DSCAML1: variants seen among roughly 807,000 people sequenced by gnomAD.
The protein encoded by DSCAML1 is cell adhesion molecule DSCAML1.
DSCAML1 carries 38 observed loss-of-function variants against 200.5 expected under a neutral mutation model. That is an observed-to-expected ratio of 0.19 (90% CI 0.15 to 0.25). The LOEUF (loss-of-function observed/expected upper bound fraction) is 0.25. Ranked by LOEUF, DSCAML1 falls within the 10% of genes least tolerant of loss-of-function variation. The pLI is 1.00. For synonymous variants in DSCAML1, 1,215 were observed against 1,165.0 expected, an observed-to-expected ratio of 1.04 and a Z score of -0.87; for missense variants, 2,223 against 2,858.8, an observed-to-expected ratio of 0.78 and a Z score of 5.07.
intron 1 of DSCAML1, among the ~76,000 whole-genome samples, chr11:117,793,555 A>C (rs1404989178): frequency 2.0e-5 from 3 of 152,138 alleles, no homozygotes; most frequent in African/African-American, 7.2e-5. Flanking sequence ...TCCCTCTGTC[A>C]TAGGCTAACA....
Position 117,780,304 on chromosome 11 carries a change from G to GAAAAAGAA in DSCAML1, c.364+188_364+189insTTCTTTTT, listed in dbSNP as rs71037499. 2.3e-3 allele frequency among the ~76,000 whole-genome samples: 227 copies of GAAAAAGAA among 98,438 alleles called. 6 individuals are homozygous for GAAAAAGAA. In the East Asian group the frequency reaches 0.023, roughly 10 times the overall value. The allele number at this position is 98,438 out of a possible 152,430, so 64.6% of individuals were successfully genotyped here. A position where few individuals can be genotyped will look rare whatever the true frequency, so the allele number is the denominator to read the frequency against. The stretch of plus-strand genomic sequence containing the variant: ...AGAAAGAAAGAAAGAAAGAAAGAAA[G>GAAAAAGAA]AGAGAAAGGAGAAAGAAAGGTGTCT... On this transcript the variant is annotated intron_variant, in intron 2 of 32. Transcript: ENST00000651296. The surrounding 1 kb of genome is among the most constrained non-coding windows in gnomAD (Gnocchi z 4.8).
rs150152134 is a variant in DSCAML1, at chr11:117,515,851, C to T, written c.1783+616G>A. Among the ~76,000 whole-genome samples, 1,012 of 152,046 alleles carry T rather than the reference C, an allele frequency of 6.7e-3. 11 individuals are homozygous for T. Among genetic ancestry groups the T allele is most frequent in the African/African-American group, 0.022 (913 of 41,444 alleles). On this transcript the variant is annotated intron_variant, in intron 8 of 32. Transcript: ENST00000651296. ...GGCCAGGCTGGTCTCAAACTCCTGA[C>T]CTCATGATCCACCCGCCTCGGCCTC...
At chr11:117,796,371 C>T (rs1333869199) in intron 1 of DSCAML1, among the ~76,000 whole-genome samples, 1 of 152,234 alleles carries the variant, frequency 6.6e-6, no homozygotes, top group Non-Finnish European at 1.5e-5. Context: ...CGGTGGCGCA[C>T]CAAGCCGGGG....
chr11:117,658,312 G>A (rs1223251970), intron 3 of DSCAML1, among the ~76,000 whole-genome samples: 15 of 152,202 alleles, frequency 9.9e-5, no homozygotes, highest in Admixed American at 9.8e-4. Flanking sequence ...CTATGCCCAA[G>A]TTGTGGGTTG....
rs186936892 is a variant in DSCAML1 at position 117,502,373 on chromosome 11, G to A, written c.2359+1472C>T. 1.4e-3 allele frequency among the ~76,000 whole-genome samples: 216 copies of A among 152,372 alleles called. 1 individual carries two copies. Among genetic ancestry groups the A allele is most frequent in the Non-Finnish European group, 2.1e-3 (145 of 68,044 alleles). ...AAGCATCTACGAGTTTGGGAGATGAGGAGGGTTGCAGAGGTGCCTGCTCTT... is the reference window on the plus strand; with the variant it reads ...AAGCATCTACGAGTTTGGGAGATGAAGAGGGTTGCAGAGGTGCCTGCTCTT... On this transcript the variant is annotated intron_variant, in intron 11 of 32. Transcript: ENST00000651296.
At chr11:117,649,043 G>C (rs2849435) in intron 3 of DSCAML1, among the ~76,000 whole-genome samples, 1 of 100,596 alleles carries the variant, frequency 9.9e-6, no homozygotes. Flanking sequence ...CCATATATAT[G>C]TGTGTGTGTG....
chr11:117,435,826 G>T, intron 26 of DSCAML1, 27 bp from the exon 27 acceptor site: 1 of 1,588,694 alleles, frequency 6.3e-7, no homozygotes, highest in Non-Finnish European at 8.6e-7. Context: ...AATAGAATTA[G>T]ATGTCCCTTA....
intron 1 of DSCAML1, among the ~76,000 whole-genome samples, chr11:117,815,039 G>A (rs1457567766): frequency 6.6e-6 from 1 of 152,180 alleles, no homozygotes; most frequent in East Asian, 1.9e-4. Flanking sequence ...CCTGGCTCGG[G>A]GCCAAGCCAG....
chr11:117,693,980 G>C (rs1381332611), intron 3 of DSCAML1, among the ~76,000 whole-genome samples: 1 of 151,232 alleles, frequency 6.6e-6, no homozygotes, highest in Admixed American at 6.6e-5. Context: ...TGTACAAGCA[G>C]GTTCTTTTCT....
At chr11:117,692,266 T>C (rs1000911120) in intron 3 of DSCAML1, among the ~76,000 whole-genome samples, 3 of 152,068 alleles carry the variant, frequency 2.0e-5, no homozygotes, top group Non-Finnish European at 1.5e-5. Context: ...TCAGCCCCTT[T>C]TGTCTCCTTC....
At chr11:117,774,497 T>G (rs1053285476) in intron 3 of DSCAML1, among the ~76,000 whole-genome samples, 2 of 152,116 alleles carry the variant, frequency 1.3e-5, no homozygotes, top group Non-Finnish European at 2.9e-5. Flanking sequence ...ATTTTACAGG[T>G]GGGGAAATGG....
Position 117,433,217 on chromosome 11 carries a change from TG to T in DSCAML1, c.4946del (p.Pro1649HisfsTer36). On this transcript the variant is annotated frameshift_variant, in exon 29 of 33. Transcript: ENST00000651296. LOFTEE classifies it high-confidence loss of function. ...CAATGTGTAGCCGTGGGCCCTGGGG[TG>T]GCCCTTTCACAGGGGTGTCAAAGCT... ...NRSFDTPVKG[P>X]PQGPRLHIDI... is the part of the protein sequence containing the mutation. The T allele has an allele frequency of 6.2e-7, 1 of 1,613,256 alleles. No homozygotes were observed. The highest frequency in any genetic ancestry group is 8.5e-7 in the Non-Finnish European group (1 of 1,179,668).
chr11:117,586,102 C>T (rs913023736), intron 3 of DSCAML1, among the ~76,000 whole-genome samples: 2 of 152,168 alleles, frequency 1.3e-5, no homozygotes, highest in South Asian at 4.1e-4. Flanking sequence ...CTGGACCAAT[C>T]CCTCCTTTTG....
rs555458336 is a variant in DSCAML1 at position 117,521,954 on chromosome 11, A to T, written c.938-549T>A. 5.7e-4 allele frequency among the ~76,000 whole-genome samples: 87 copies of T among 152,302 alleles called. 2 individuals carry two copies. In the South Asian group the frequency reaches 0.018, roughly 31 times the overall value. ...CCCTGCCTCCCCCCAGCTGTCCTCC[A>T]TGCTGCAGCCAGCCACTCGCTGCTC... On this transcript the variant is annotated intron_variant, in intron 5 of 32. Coordinates refer to ENST00000651296, the MANE Select transcript of DSCAML1 (RefSeq NM_020693.4).
chr11:117,570,648 C>T (rs1269591518), intron 3 of DSCAML1, among the ~76,000 whole-genome samples: 1 of 152,246 alleles, frequency 6.6e-6, no homozygotes, highest in African/African-American at 2.4e-5. Flanking sequence ...AATCCCTTTA[C>T]AATATCTATT....
chr11:117,432,856 C>T (rs576367427), intron 29 of DSCAML1, among the ~76,000 whole-genome samples: 1 of 152,082 alleles, frequency 6.6e-6, no homozygotes, highest in Non-Finnish European at 1.5e-5. Context: ...AGTGATCCTC[C>T]CTCCTTGGCC....
intron 3 of DSCAML1, among the ~76,000 whole-genome samples, chr11:117,583,145 G>A (rs1308180513): frequency 2.0e-5 from 3 of 151,776 alleles, no homozygotes; most frequent in Non-Finnish European, 2.9e-5. Flanking sequence ...TTTCCCCTCC[G>A]CATGCTGATG....
intron 3 of DSCAML1, among the ~76,000 whole-genome samples, chr11:117,685,843 T>A (rs2053393889): frequency 1.3e-5 from 2 of 152,254 alleles, no homozygotes; most frequent in South Asian, 4.1e-4. Flanking sequence ...GGATGACTGC[T>A]AGCAGTGGTA....
At chr11:117,638,687 G>C (rs140239961) in intron 3 of DSCAML1, among the ~76,000 whole-genome samples, 10 of 152,056 alleles carry the variant, frequency 6.6e-5, no homozygotes, top group African/African-American at 2.4e-4. Flanking sequence ...GCACATCCAC[G>C]TCACAACATG....
Sources: gnomAD v4.1 joint callset for allele counts (sites outside exome capture counted in the v4.1 genomes callset) on GRCh38, gnomAD v4.1.1 for gene constraint, Gnocchi (gnomAD v3.1) non-coding constraint, MANE v1.5 for transcripts, NCBI Gene and HGNC (gene_info 2026-07-23, HGNC 2026-07-21) for gene names.